Variants in PPM1J observed in about 807,000 individuals in gnomAD.
The protein encoded by PPM1J is protein phosphatase 1J.
PPM1J carries 43 observed loss-of-function variants against 53.3 expected under a neutral mutation model. That is an observed-to-expected ratio of 0.81 (90% confidence interval 0.63 to 1.04). PPM1J has a LOEUF of 1.04. PPM1J is among the 50% of genes least tolerant of loss of function. The pLI is 0.00. For missense variants in PPM1J, 635 were observed against 685.9 expected (o/e 0.93, Z 0.83); for synonymous variants, 267 against 286.4 (o/e 0.93, Z 0.68).
rs140540673 is a variant in PPM1J, at chr1:112,710,162, C to G, written c.*1G>C. ...TAGTGGGAGGGATGGTGTTCAGCCC[C>G]TCAGGAGTAACTGCCTGGCCCTCCC... On this transcript the variant is annotated 3_prime_UTR_variant, in exon 10 of 10. Coordinates refer to ENST00000309276, the MANE Select transcript of PPM1J (RefSeq NM_005167.7). The G allele has an allele frequency of 6.4e-7, 1 of 1,559,998 alleles. No individual in the cohort carries two copies. Among genetic ancestry groups the G allele is most frequent in the African/African-American group, 1.4e-5 (1 of 72,076 alleles).
chr1:112,714,529 G>A, intron 1 of PPM1J: 2 of 992,990 alleles, frequency 2.0e-6, no homozygotes, highest in East Asian at 1.1e-4. Flanking sequence ...CGGTAAGAGG[G>A]ACAGGGAACT....
chr1:112,711,826 C>T (rs367936496), intron 5 of PPM1J, 145 bp downstream of exon 5: 19 of 612,834 alleles, frequency 3.1e-5, no homozygotes, highest in African/African-American at 7.4e-5. Context: ...GGCTCAGCCC[C>T]GCACTCCATA....
intron 2 of PPM1J, 103 bp from the exon 3 acceptor site, chr1:112,713,134 C>A: frequency 9.0e-7 from 1 of 1,109,032 alleles, no homozygotes; most frequent in Non-Finnish European, 1.3e-6. Context: ...GGCATCCATA[C>A]AAACATCTGA....
Position 112,715,058 on chromosome 1 carries a change from G to A in PPM1J, c.244C>T (p.Arg82Cys). The change falls in exon 1 of 10, where the codon CGC becomes TGC. Residue 82 changes from arginine (R) to cysteine (C), a missense_variant. Transcript: ENST00000309276. The surrounding 1 kb of genome is among the most constrained non-coding windows in gnomAD (Gnocchi z 4.4). Reference protein sequence around the residue: ...FLQLSPGGLRRADDHAGRAVQ... With the variant: ...FLQLSPGGLRCADDHAGRAVQ... Reference sequence around the variant, plus strand: ...GCCCGGCCCGCGTGGTCATCGGCGCGTCGCAGCCCCCCGGGGCTCAGCTGC... The same window carrying A: ...GCCCGGCCCGCGTGGTCATCGGCGCATCGCAGCCCCCCGGGGCTCAGCTGC... 1 of 1,540,922 alleles carries A rather than the reference G, an allele frequency of 6.5e-7. No individual in the cohort carries two copies. Among genetic ancestry groups the A allele is most frequent in the Middle Eastern group, 1.7e-4 (1 of 5,834 alleles).
intron 3 of PPM1J, 120 bp downstream of exon 3, chr1:112,712,624 C>T: frequency 8.2e-7 from 1 of 1,221,518 alleles, no homozygotes. Flanking sequence ...CCCCTCTGAA[C>T]CAAGCTCTGC....
chr1:112,711,328 G>T lies in PPM1J; in HGVS notation c.984C>A (p.Arg328=), dbSNP rs1675053790. 1 of 1,607,430 alleles carries T rather than the reference G, an allele frequency of 6.2e-7. No homozygotes were observed. The highest frequency in any genetic ancestry group is 1.1e-5 in the South Asian group (1 of 90,046). The change falls in exon 6 of 10, where the codon CGC becomes CGA. Residue 328 remains arginine (R), a synonymous_variant. Coordinates refer to ENST00000309276, the MANE Select transcript of PPM1J (RefSeq NM_005167.7). ...GCCCCAGCTCCTTGGGCAGAACTCT[G>T]CGGGGGAACTCAAGGTGGGTGAATT... ...GSEFTHLEFP[R]RVLPKELGQR... is the part of the protein sequence containing the mutation.
chr1:112,712,699 C>T (rs1451742210), intron 3 of PPM1J, 45 bp downstream of exon 3: 1 of 1,566,296 alleles, frequency 6.4e-7, no homozygotes, highest in South Asian at 1.2e-5. Context: ...CAGAGTTGGC[C>T]AGAGTGGTTG....
At chr1:112,714,439 T>A in intron 1 of PPM1J, 1 of 985,738 alleles carries the variant, frequency 1.0e-6, no homozygotes. Context: ...ACCCCGGGCG[T>A]CCCCCTCCCC....
intron 7 of PPM1J, 72 bp from the exon 8 acceptor site, chr1:112,710,923 C>A: frequency 6.3e-7 from 1 of 1,587,310 alleles, no homozygotes; most frequent in Non-Finnish European, 8.7e-7. Context: ...TCCCTTCCAC[C>A]CCTACCCTCA....
At position 112,715,139 on chromosome 1, in the gene PPM1J, C is replaced by A; in HGVS notation, c.163G>T (p.Ala55Ser). 6.5e-7 allele frequency: 1 copy of A among 1,547,412 alleles called. No individual in the cohort carries two copies. Among genetic ancestry groups the A allele is most frequent in the Non-Finnish European group, 8.6e-7 (1 of 1,157,728 alleles). The change falls in exon 1 of 10, where the codon GCG (alanine) becomes TCG (serine). Residue 55 changes from alanine to serine, a missense_variant. Ala to Ser is a moderately conservative substitution (Grantham distance 99). Transcript: ENST00000309276. The surrounding 1 kb of genome is among the most constrained non-coding windows in gnomAD (Gnocchi z 4.4). ...SPPAKAGSGS[A>S]TPAKAVEARA... ...GCCTCAACAGCCTTCGCGGGCGTCG[C>A]GCTCCCGCTCCCAGCCTTCGCGGGA...
At position 112,712,442 on chromosome 1, in the gene PPM1J, G is replaced by A. The variant is rs766448214; in HGVS notation, c.745C>T (p.Arg249Trp). 185 of 1,613,644 alleles carry A rather than the reference G, an allele frequency of 1.1e-4. 1 individual carries two copies. In the Admixed American group the frequency reaches 2.9e-3, roughly 25 times the overall value. ...TCCACTTGGTGGCCACGCCGCTCCC[G>A]GGCCATCTGCTCATCCTGCCACATA... is the stretch of plus-strand genomic sequence containing the variant. ...AFQLMDEQMA[R>W]ERRGHQVEGG... Residue 249 changes from arginine (R) to tryptophan (W), a missense_variant, in exon 4 of 10, where the codon CGG (arginine) becomes TGG (tryptophan). Physicochemically the swap from Arg to Trp is moderately radical, Grantham distance 101. Transcript: ENST00000309276.
intron 3 of PPM1J, 53 bp downstream of exon 3, chr1:112,712,691 G>A (rs1036016920): frequency 2.6e-6 from 4 of 1,545,384 alleles, no homozygotes; most frequent in Non-Finnish European, 3.5e-6. Context: ...CTTCCACACA[G>A]AGTTGGCCAG....
At position 112,715,072 on chromosome 1, in the gene PPM1J, G is replaced by T; in HGVS notation, c.230C>A (p.Pro77His). ...FSRPTFLQLS[P>H]GGLRRADDHA... ...GTCATCGGCGCGTCGCAGCCCCCCG[G>T]GGCTCAGCTGCAGAAAGGTCGGTCT... is the stretch of plus-strand genomic sequence containing the variant. Residue 77 changes from proline (P) to histidine (H), a missense_variant, in exon 1 of 10, where the codon CCC (proline) becomes CAC (histidine). By Grantham distance (77) the Pro-to-His change is moderately conservative. Transcript: ENST00000309276. The surrounding 1 kb of genome is among the most constrained non-coding windows in gnomAD (Gnocchi z 4.4). The T allele has an allele frequency of 6.4e-7, 1 of 1,553,296 alleles. No homozygotes were observed. Among genetic ancestry groups the T allele is most frequent in the East Asian group, 2.5e-5 (1 of 39,458 alleles).
intron 4 of PPM1J, 36 bp downstream of exon 4, chr1:112,712,309 C>A: frequency 6.8e-7 from 1 of 1,477,614 alleles, no homozygotes; most frequent in Non-Finnish European, 9.3e-7. Context: ...GAGAGTGTGG[C>A]CCTCTGTCGC....
At chr1:112,712,126 C>A in intron 4 of PPM1J, 71 bp from the exon 5 acceptor site, 1 of 1,294,946 alleles carries the variant, frequency 7.7e-7, no homozygotes, top group Non-Finnish European at 1.1e-6. Context: ...TCCAGAAAGA[C>A]CAGGCCCTCT....
intron 1 of PPM1J, chr1:112,714,506 G>C (rs1438636820): frequency 5.6e-5 from 55 of 988,548 alleles, no homozygotes; most frequent in Non-Finnish European, 6.6e-5. Context: ...GGTGTGGAGG[G>C]GGAGGGGAAC....
chr1:112,715,268 G>A lies in PPM1J; in HGVS notation c.34C>T (p.Leu12=). ...GGCGGAGCGCCCCCGGAGCTCACCA[G>A]GTGCGCCACGGCCGAGCGCACCCGG... ...LNRVRSAVAH[L]VSSGGAPPPR... The change falls in exon 1 of 10, where the codon CTG becomes TTG. Residue 12 remains leucine, a synonymous_variant. Coordinates refer to ENST00000309276, the MANE Select transcript of PPM1J (RefSeq NM_005167.7). The surrounding 1 kb of genome is among the most constrained non-coding windows in gnomAD (Gnocchi z 4.4). The A allele has an allele frequency of 5.2e-6, 7 of 1,339,962 alleles. No individual in the cohort carries two copies. The highest frequency in any genetic ancestry group is 6.7e-6 in the Non-Finnish European group (7 of 1,051,410). 83.0% of individuals were successfully genotyped at this position (1,339,962 alleles called of 1,614,324 possible). A position where few individuals can be genotyped will look rare whatever the true frequency, so the allele number is the denominator to read the frequency against.
Position 112,711,368 on chromosome 1 carries a change from T to C in PPM1J, c.944A>G (p.Glu315Gly), listed in dbSNP as rs1359908931. The change falls in exon 6 of 10, where the codon GAG becomes GGG. Residue 315 changes from glutamate to glycine, a missense_variant. Coordinates refer to ENST00000309276, the MANE Select transcript of PPM1J (RefSeq NM_005167.7). ...RLQLLGFLKP[E>G]LLGSEFTHLE... is the part of the protein sequence containing the mutation. ...GTGGGTGAATTCACTGCCTAGCAGC[T>C]CTGGTTTCAGGAAGCCCTGGAGTTG... The C allele has an allele frequency of 6.2e-7, 1 of 1,602,652 alleles. No individual in the cohort carries two copies. Among genetic ancestry groups the C allele is most frequent in the Non-Finnish European group, 8.5e-7 (1 of 1,174,368 alleles).
At chr1:112,714,572 T>A in intron 1 of PPM1J, 1 of 1,008,640 alleles carries the variant, frequency 9.9e-7, no homozygotes, top group African/African-American at 1.7e-5. Context: ...GGTGAGCGAG[T>A]CTTCCCAACC....
Sources: gnomAD v4.1 joint callset for allele counts on GRCh38, gnomAD v4.1.1 for gene constraint, Gnocchi (gnomAD v3.1) non-coding constraint, MANE v1.5 for transcripts, NCBI Gene and HGNC (gene_info 2026-07-23, HGNC 2026-07-21) for gene names.